Variants in COL11A1 observed in about 807,000 individuals in gnomAD.
COL11A1 encodes the protein collagen alpha-1(XI) chain.
A neutral mutation model predicts 265.2 loss-of-function variants in COL11A1; 74 were observed. That is an observed-to-expected ratio of 0.28 (90% CI 0.23 to 0.34). COL11A1 has a LOEUF of 0.34. Ranked by LOEUF, COL11A1 falls within the 10% of genes least tolerant of loss-of-function variation. The pLI, the probability that COL11A1 is intolerant of heterozygous loss-of-function variation, is 1.00. For missense variants in COL11A1, 2,165 were observed against 2,263.6 expected (o/e 0.96, Z 0.88); for synonymous variants, 816 against 727.6 (o/e 1.12, Z -1.96).
chr1:102,885,071 C>T (rs1043982905), intron 63 of COL11A1, among the ~76,000 whole-genome samples: 3 of 152,114 alleles, frequency 2.0e-5, no homozygotes, highest in Non-Finnish European at 4.4e-5. Context: ...TTTCCCTACT[C>T]GGATTAGTAT....
intron 63 of COL11A1, among the ~76,000 whole-genome samples, chr1:102,885,440 T>A (rs1395525569): frequency 1.3e-5 from 2 of 152,162 alleles, no homozygotes; most frequent in Non-Finnish European, 2.9e-5. Context: ...AAATTGCTTA[T>A]CTTGGTGCTG....
rs544482710 is a variant in COL11A1, at chr1:103,037,324, T to C, written c.652-6080A>G. ...TTTATTGGAAAAGTATGGTAAATAA[T>C]ATTGGTCTAATGTCTTAAGGTCACA... On this transcript the variant is annotated intron_variant, in intron 4 of 66. Transcript: ENST00000370096. Among the ~76,000 whole-genome samples the C allele has an allele frequency of 1.5e-4, 23 of 151,712 alleles. No homozygotes were observed. The South Asian group carries it at 4.4e-3, about 29-fold the overall frequency.
At chr1:103,018,196 CAAA>C (rs985644321) in intron 10 of COL11A1, among the ~76,000 whole-genome samples, 13 of 152,198 alleles carry the variant, frequency 8.5e-5, no homozygotes, top group Admixed American at 7.2e-4. Context: ...AATTAGATCT[CAAA>C]AATTTGATAG....
intron 1 of COL11A1, among the ~76,000 whole-genome samples, chr1:103,087,147 G>A: frequency 6.6e-6 from 1 of 152,268 alleles, no homozygotes; most frequent in East Asian, 1.9e-4. Context: ...ATTCTTAAAT[G>A]ACCTTAATAT....
At chr1:103,048,337 T>G (rs1234496993) in intron 4 of COL11A1, among the ~76,000 whole-genome samples, 1 of 152,214 alleles carries the variant, frequency 6.6e-6, no homozygotes, top group East Asian at 1.9e-4. Flanking sequence ...CTTGGGAGGA[T>G]GTATGTGTCG....
At chr1:102,920,872 T>A (rs949611960) in intron 48 of COL11A1, among the ~76,000 whole-genome samples, 1 of 152,142 alleles carries the variant, frequency 6.6e-6, no homozygotes, top group Non-Finnish European at 1.5e-5. Context: ...TATTAAATAA[T>A]GAAGAAAATG....
At chr1:102,951,786 A>C (rs2101472709) in intron 41 of COL11A1, among the ~76,000 whole-genome samples, 2 of 152,148 alleles carry the variant, frequency 1.3e-5, no homozygotes, top group East Asian at 3.9e-4. Context: ...TAGGCTTCAA[A>C]TGTACACACA....
chr1:103,007,866 C>CAAA lies in COL11A1; in HGVS notation c.1683+594_1683+596dup, dbSNP rs34520764. Among the ~76,000 whole-genome samples, 64 of 96,790 alleles carry CAAA rather than the reference C, an allele frequency of 6.6e-4. 1 individual carries two copies. Among genetic ancestry groups the CAAA allele is most frequent in the Admixed American group, 1.0e-3 (8 of 8,030 alleles). The allele number at this position is 96,790 out of a possible 152,430, so 63.5% of individuals were successfully genotyped here. On this transcript the variant is annotated intron_variant, in intron 15 of 66. Coordinates refer to ENST00000370096, the MANE Select transcript of COL11A1 (RefSeq NM_001854.4). ...AACAGAGCAGAGTGAGACTCTGTCT[C>CAAA]AAAAAAAAAAAAAAAAAAAAGATTG... is the stretch of plus-strand genomic sequence containing the variant.
chr1:103,084,375 G>T (rs1364289596), intron 1 of COL11A1, among the ~76,000 whole-genome samples: 1 of 151,958 alleles, frequency 6.6e-6, no homozygotes, highest in Non-Finnish European at 1.5e-5. Context: ...CCACATATAT[G>T]CCTAAAATAA....
chr1:102,884,061 A>G (rs1376288192), intron 63 of COL11A1, among the ~76,000 whole-genome samples: 1 of 152,224 alleles, frequency 6.6e-6, no homozygotes, highest in Non-Finnish European at 1.5e-5. Context: ...ACTAGGAGCC[A>G]AAAGTGATAT....
intron 35 of COL11A1, 103 bp downstream of exon 35, chr1:102,978,605 A>G (rs1325089645): frequency 3.3e-6 from 4 of 1,199,982 alleles, no homozygotes; most frequent in Non-Finnish European, 2.5e-6. Flanking sequence ...TTTTGTGGAT[A>G]GACATGCACA....
At chr1:102,942,349 G>A (rs915578390) in intron 42 of COL11A1, among the ~76,000 whole-genome samples, 8 of 152,092 alleles carry the variant, frequency 5.3e-5, no homozygotes, top group African/African-American at 1.9e-4. Context: ...GGAATCACTT[G>A]CCATTCATTT....
intron 14 of COL11A1, among the ~76,000 whole-genome samples, chr1:103,012,192 T>C (rs1341583279): frequency 6.6e-6 from 1 of 152,228 alleles, no homozygotes. Flanking sequence ...AATTACATTT[T>C]TAATTTTATT....
intron 4 of COL11A1, among the ~76,000 whole-genome samples, chr1:103,031,451 C>G (rs1214546195): frequency 6.6e-6 from 1 of 152,014 alleles, no homozygotes; most frequent in Non-Finnish European, 1.5e-5. Flanking sequence ...GGCTGTTATT[C>G]TATGTTATCT....
In COL11A1 at chr1:103,008,509, G is replaced by T. The variant is rs758105888; in HGVS notation, c.1637C>A (p.Pro546His). The T allele has an allele frequency of 1.2e-6, 2 of 1,613,718 alleles. No individual in the cohort carries two copies. The highest frequency in any genetic ancestry group is 4.5e-5 in the East Asian group (2 of 44,828). The change falls in exon 15 of 67, where the codon CCT becomes CAT. Residue 546 changes from proline (P) to histidine (H), a missense_variant. Coordinates refer to ENST00000370096, the MANE Select transcript of COL11A1 (RefSeq NM_001854.4). Reference protein sequence around the residue: ...LTGRPGPVGGPGSSGAKGESG... With the variant: ...LTGRPGPVGGHGSSGAKGESG... ...CTCACCTTTGGCCCCAGATGAACCA[G>T]GCCCCCCCTATAGAGAAAAAGTGAA...
intron 30 of COL11A1, among the ~76,000 whole-genome samples, chr1:102,986,063 T>G (rs569535798): frequency 6.6e-6 from 1 of 152,128 alleles, no homozygotes; most frequent in Admixed American, 6.6e-5. Context: ...CTATATCATA[T>G]ATTTTCTTTC....
chr1:102,998,575 T>C (rs1225722895), intron 24 of COL11A1, among the ~76,000 whole-genome samples: 3 of 151,840 alleles, frequency 2.0e-5, no homozygotes, highest in African/African-American at 7.2e-5. Flanking sequence ...TATGCTAGGT[T>C]TTAGCCTGCT....
At chr1:102,953,092 T>C (rs995040405) in intron 41 of COL11A1, among the ~76,000 whole-genome samples, 1 of 152,212 alleles carries the variant, frequency 6.6e-6, no homozygotes, top group African/African-American at 2.4e-5. Flanking sequence ...AGTAGGCATA[T>C]ATAGTGAGAC....
chr1:103,045,849 G>T (rs1191750200), intron 4 of COL11A1, among the ~76,000 whole-genome samples: 1 of 149,374 alleles, frequency 6.7e-6, no homozygotes. Context: ...ATTCCCACCT[G>T]AGTGAGAAAA....
Sources: gnomAD v4.1 joint callset for allele counts (sites outside exome capture counted in the v4.1 genomes callset) on GRCh38, gnomAD v4.1.1 for gene constraint, MANE v1.5 for transcripts, NCBI Gene and HGNC (gene_info 2026-07-23, HGNC 2026-07-21) for gene names.